The following ABCB4 variants were observed in gnomAD, a reference collection of about 807,000 sequenced individuals.
The protein encoded by ABCB4 is ATP binding cassette subfamily B member 4.
ABCB4 carries 76 observed loss-of-function variants against 145.7 expected under a neutral mutation model. The ratio of observed to expected loss-of-function variants is 0.52; its 90% CI spans 0.43 to 0.63. The LOEUF is 0.63. ABCB4 is among the 30% of genes least tolerant of loss of function. The pLI, the probability that ABCB4 is intolerant of heterozygous loss-of-function variation, is 0.00. For synonymous variants in ABCB4, 517 were observed against 566.8 expected (o/e 0.91, Z 1.25); for missense variants, 1,234 against 1,553.1 (o/e 0.79, Z 3.45).
At chr7:87,392,733 T>C in the ABCB4 span, 1 of 1,613,426 alleles carries the variant, frequency 6.2e-7, no homozygotes, top group African/African-American at 1.3e-5. Context: ...ATTGCAGGAT[T>C]TGATCGTCAC....
chr7:87,417,681 G>A (rs1044041596), intron 20 of ABCB4, among the ~76,000 whole-genome samples, 166 bp from the exon 21 acceptor site: 5 of 152,164 alleles, frequency 3.3e-5, no homozygotes, highest in Admixed American at 1.3e-4. Context: ...ATGAGGCTCT[G>A]CAGACATTTC....
chr7:87,431,379 GAAAA>G, intron 15 of ABCB4, 21 bp downstream of exon 15: 4 of 1,613,864 alleles, frequency 2.5e-6, no homozygotes, highest in Non-Finnish European at 3.4e-6. Flanking sequence ...GCAAATAGCA[GAAAA>G]AATTCCTGAA....
rs45540936 is a variant in ABCB4, at chr7:87,420,267, C to G, written c.2317-192G>C. 0.12 allele frequency among the ~76,000 whole-genome samples: 17,713 copies of G among 152,002 alleles called. 1,353 individuals are homozygous for G. The highest frequency in any genetic ancestry group is 0.21 in the African/African-American group (8,892 of 41,418). On this transcript the variant is annotated intron_variant, in intron 18 of 27. Coordinates refer to ENST00000649586, the MANE Select transcript of ABCB4 (RefSeq NM_000443.4). Reference sequence around the variant, plus strand: ...AACCATAGCAGGAACCTAAGTGCTCCGAAACAAGAATCAGGGACTGAATTA... The same window carrying G: ...AACCATAGCAGGAACCTAAGTGCTCGGAAACAAGAATCAGGGACTGAATTA...
chr7:87,407,626 G>T (rs2373593), intron 25 of ABCB4, among the ~76,000 whole-genome samples: 128,259 of 152,132 alleles, frequency 0.84, 54,422 homozygotes, highest in Middle Eastern at 0.92. Context: ...TTCGAGAGCC[G>T]AGAATTCAAG....
chr7:87,427,644 G>T (rs1809933609), intron 15 of ABCB4, among the ~76,000 whole-genome samples: 2 of 152,116 alleles, frequency 1.3e-5, no homozygotes, highest in Admixed American at 6.5e-5. Context: ...TTTGTTCAGG[G>T]TCTTAGTCCT....
At chr7:87,399,060 G>A, downstream of ABCB4, 1 of 172,010 alleles carries the variant, frequency 5.8e-6, no homozygotes, top group Non-Finnish European at 1.2e-5. Context: ...GCTGCCAAAG[G>A]GTATGAATTA....
chr7:87,443,532 A>T, intron 11 of ABCB4, 88 bp from the exon 12 acceptor site: 1 of 1,532,034 alleles, frequency 6.5e-7, no homozygotes, highest in Non-Finnish European at 9.0e-7. Context: ...TTGAAAAAAA[A>T]GTATCAAATA....
intron 8 of ABCB4, 61 bp downstream of exon 8, chr7:87,449,907 G>T: frequency 6.2e-7 from 1 of 1,613,374 alleles, no homozygotes; most frequent in Middle Eastern, 1.7e-4. Flanking sequence ...ATACCACAAA[G>T]AAGAAGCAAC....
At chr7:87,423,821 A>C in intron 17 of ABCB4, 85 bp downstream of exon 17, 1 of 1,559,414 alleles carries the variant, frequency 6.4e-7, no homozygotes, top group Non-Finnish European at 8.8e-7. Flanking sequence ...TTAATCCCAG[A>C]ATGGAGCCAG....
intron 20 of ABCB4, 79 bp from the exon 21 acceptor site, chr7:87,417,594 A>G (rs1584695235): frequency 8.6e-7 from 1 of 1,169,342 alleles, no homozygotes; most frequent in South Asian, 1.3e-5. Context: ...CTTGGTCAGA[A>G]TGATGAGTGG....
At chr7:87,412,158 TGG>T in intron 22 of ABCB4, 125 bp from the exon 23 acceptor site, 2 of 952,238 alleles carry the variant, frequency 2.1e-6, no homozygotes, top group Non-Finnish European at 3.3e-6. Context: ...TATATTAGTT[TGG>T]GTAAATGATA....
At chr7:87,414,657 T>C (rs1584689369) in intron 21 of ABCB4, among the ~76,000 whole-genome samples, 1 of 152,082 alleles carries the variant, frequency 6.6e-6, no homozygotes, top group Non-Finnish European at 1.5e-5. Context: ...TAATTTTAGG[T>C]TTTTAACAGC....
chr7:87,372,339 C>T, the ABCB4 span, among the ~76,000 whole-genome samples: 1 of 152,132 alleles, frequency 6.6e-6, no homozygotes, highest in Admixed American at 6.5e-5. Context: ...GCAAATTTAT[C>T]TTTTTAATCA....
At chr7:87,403,632 C>T (rs561498021) in intron 26 of ABCB4, among the ~76,000 whole-genome samples, 132 of 152,314 alleles carry the variant, frequency 8.7e-4, no homozygotes, top group East Asian at 1.3e-3. Context: ...GCAGTGCAGT[C>T]GCTTTGTTAT....
At chr7:87,384,069 T>C in the ABCB4 span, among the ~76,000 whole-genome samples, 1 of 152,154 alleles carries the variant, frequency 6.6e-6, no homozygotes, top group Non-Finnish European at 1.5e-5. Context: ...TTTCTCCACA[T>C]CTTTGCTAGC....
In ABCB4 at chr7:87,440,230, T is replaced by C. The variant is rs375315619; in HGVS notation, c.1529A>G (p.Asn510Ser). ...DEIKKAVKEA[N>S]AYEFIMKLPQ... is the part of the protein sequence containing the mutation. ...TAATTTCATGATAAACTCATAGGCGTTGGCCTCTTTGACAGCTTTCTTTAT... is the reference window on the plus strand; with the variant it reads ...TAATTTCATGATAAACTCATAGGCGCTGGCCTCTTTGACAGCTTTCTTTAT... The change falls in exon 13 of 28, where the codon AAC becomes AGC. Residue 510 changes from asparagine (N) to serine (S), a missense_variant. This residue lies in a region of ABCB4 where 467 missense variants were observed against 632.8 expected (regional missense o/e 0.74). Transcript: ENST00000649586. The C allele has an allele frequency of 1.9e-4, 311 of 1,614,190 alleles. 1 individual carries two copies. The highest frequency in any genetic ancestry group is 1.3e-3 in the Middle Eastern group (8 of 6,062).
In ABCB4 at chr7:87,443,711, C is replaced by T. The variant is rs758815573; in HGVS notation, c.1182G>A (p.Leu394=). ...GHKPDSIKGN[L]EFNDVHFSYP... is the part of the protein sequence containing the mutation. ...AAGAAAAGTGAACATCATTGAACTC[C>T]AAATTCCCTTTGATGCTGTCTGGTT... Residue 394 remains leucine, a synonymous_variant, in exon 11 of 28, where the codon TTG becomes TTA. Coordinates refer to ENST00000649586, the MANE Select transcript of ABCB4 (RefSeq NM_000443.4). 6.2e-7 allele frequency: 1 copy of T among 1,614,002 alleles called. No individual in the cohort carries two copies. Among genetic ancestry groups the T allele is most frequent in the South Asian group, 1.1e-5 (1 of 91,066 alleles).
chr7:87,427,327 G>A (rs1356708777), intron 15 of ABCB4, among the ~76,000 whole-genome samples: 1 of 151,936 alleles, frequency 6.6e-6, no homozygotes. Context: ...TGAATCAAAG[G>A]GCCTGGTCAC....
At chr7:87,403,337 A>T (rs752038246) in intron 26 of ABCB4, 56 bp from the exon 27 acceptor site, 168 of 1,492,208 alleles carry the variant, frequency 1.1e-4, no homozygotes, top group Non-Finnish European at 1.4e-4. Context: ...AACAGTTGAC[A>T]GTTCTATTTA....
Sources: allele counts gnomAD v4.1 joint callset (sites outside exome capture counted in the v4.1 genomes callset), GRCh38; gene constraint gnomAD v4.1.1; regional missense constraint gnomAD v4.1.1; transcripts MANE v1.5; gene names NCBI Gene and HGNC (gene_info 2026-07-23, HGNC 2026-07-21).